Variants in ACTR3C observed in about 807,000 individuals in gnomAD.
The protein encoded by ACTR3C is actin-related protein 3C.
ACTR3C carries 18 observed loss-of-function variants against 26.3 expected under a neutral mutation model. The observed-to-expected ratio is 0.68, with a 90% CI of 0.47 to 1.01. ACTR3C has a LOEUF of 1.01. Ranked by LOEUF, ACTR3C falls within the 50% of genes least tolerant of loss-of-function variation. The pLI, the probability that ACTR3C is intolerant of heterozygous loss-of-function variation, is 0.00. For missense variants in ACTR3C, 184 were observed against 250.7 expected (o/e 0.73, Z 1.80); for synonymous variants, 55 against 94.5 (o/e 0.58, Z 2.42).
chr7:150,318,515 G>C (rs368231730), intron 1 of ACTR3C, among the ~76,000 whole-genome samples: 1 of 152,156 alleles, frequency 6.6e-6, no homozygotes, highest in East Asian at 1.9e-4. Context: ...TGTAATCCCA[G>C]CACTTTGGGA....
chr7:149,908,536 G>A, the ACTR3C span, among the ~76,000 whole-genome samples: 5 of 152,250 alleles, frequency 3.3e-5, no homozygotes, highest in East Asian at 1.9e-4. Flanking sequence ...GCCCTCCCCT[G>A]AATAAGCACT....
the ACTR3C span, among the ~76,000 whole-genome samples, chr7:150,123,024 G>A: frequency 6.7e-6 from 1 of 149,980 alleles, no homozygotes; most frequent in Non-Finnish European, 1.5e-5. Flanking sequence ...TCATAGGTGG[G>A]AGTTGAACAA....
the ACTR3C span, among the ~76,000 whole-genome samples, chr7:150,216,431 T>A: frequency 6.7e-6 from 1 of 149,804 alleles, no homozygotes; most frequent in African/African-American, 2.5e-5. Context: ...TCTGGGGTTG[T>A]GGGGGTGAGG....
At chr7:150,163,162 G>A in the ACTR3C span, among the ~76,000 whole-genome samples, 73,412 of 145,768 alleles carry the variant, frequency 0.5, 19,147 homozygotes, top group African/African-American at 0.7. Context: ...TCAAAAAAAA[G>A]AAAAAAAAGT....
chr7:150,193,995 C>T, the ACTR3C span, among the ~76,000 whole-genome samples: 35 of 133,226 alleles, frequency 2.6e-4, no homozygotes, highest in African/African-American at 9.2e-4. Context: ...CACACAGACA[C>T]ACACACACAC....
the ACTR3C span, among the ~76,000 whole-genome samples, chr7:150,160,809 T>C: frequency 6.6e-6 from 1 of 151,532 alleles, no homozygotes; most frequent in African/African-American, 2.4e-5. Context: ...GAAGGCACCC[T>C]ACAGATATTT....
chr7:150,311,341 T>A (rs1350113301), intron 1 of ACTR3C, among the ~76,000 whole-genome samples: 1 of 152,174 alleles, frequency 6.6e-6, no homozygotes, highest in Non-Finnish European at 1.5e-5. Context: ...GACCTCACAG[T>A]TCTAGGCTGG....
chr7:150,236,589 T>C, the ACTR3C span, among the ~76,000 whole-genome samples: 5 of 152,316 alleles, frequency 3.3e-5, no homozygotes, highest in African/African-American at 1.2e-4. Flanking sequence ...TTGGTTGCTT[T>C]GGCACTTTCT....
At chr7:150,120,424 A>G in the ACTR3C span, among the ~76,000 whole-genome samples, 1 of 152,152 alleles carries the variant, frequency 6.6e-6, no homozygotes, top group Non-Finnish European at 1.5e-5. Context: ...CCCACACAAA[A>G]TACACACTAC....
chr7:150,282,511 C>G (rs1265811818), intron 6 of ACTR3C, among the ~76,000 whole-genome samples: 1 of 141,798 alleles, frequency 7.1e-6, no homozygotes, highest in Non-Finnish European at 1.5e-5. Context: ...TTCAATCCTT[C>G]CACCTCTCAA....
At chr7:150,152,659 G>T in the ACTR3C span, among the ~76,000 whole-genome samples, 2 of 152,194 alleles carry the variant, frequency 1.3e-5, no homozygotes, top group African/African-American at 4.8e-5. Flanking sequence ...CTCATAAGAC[G>T]AGTTAGGGAG....
chr7:149,954,784 C>T, the ACTR3C span, among the ~76,000 whole-genome samples: 6 of 152,076 alleles, frequency 3.9e-5, no homozygotes, highest in Admixed American at 1.3e-4. Context: ...CCTGGGAGTA[C>T]GATATCTTTC....
chr7:149,950,111 T>G, the ACTR3C span, among the ~76,000 whole-genome samples: 4 of 145,988 alleles, frequency 2.7e-5, no homozygotes, highest in Non-Finnish European at 5.9e-5. Flanking sequence ...TTTTATAGTG[T>G]GTTAGGTCGT....
At chr7:150,160,132 G>A in the ACTR3C span, among the ~76,000 whole-genome samples, 1 of 151,966 alleles carries the variant, frequency 6.6e-6, no homozygotes, top group South Asian at 2.1e-4. Flanking sequence ...ATCTCTAACA[G>A]AATTTTCAGT....
chr7:150,072,681 A>T, the ACTR3C span, among the ~76,000 whole-genome samples: 1 of 152,026 alleles, frequency 6.6e-6, no homozygotes. Flanking sequence ...ACAAACCAGT[A>T]AGACTGGGAA....
the ACTR3C span, among the ~76,000 whole-genome samples, chr7:149,947,028 C>T: frequency 2.0e-5 from 3 of 151,626 alleles, 1 homozygote. Flanking sequence ...ATGCCGGGGG[C>T]GGTGGAGGGT....
the ACTR3C span, chr7:150,040,664 G>C: frequency 1.4e-5 from 2 of 145,978 alleles, no homozygotes; most frequent in Non-Finnish European, 1.5e-5. Context: ...GGTACCTGCC[G>C]TCGGAAGATT....
chr7:150,302,991 GT>G (rs1795544133), intron 1 of ACTR3C: 1 of 152,226 alleles, frequency 6.6e-6, no homozygotes. Context: ...CCTTGCTACT[GT>G]CTTCATGCCT....
At chr7:149,963,517 G>C in the ACTR3C span, among the ~76,000 whole-genome samples, 1 of 152,100 alleles carries the variant, frequency 6.6e-6, no homozygotes, top group East Asian at 1.9e-4. Flanking sequence ...CCTGAGGATG[G>C]GCAGCCTATC....
Sources: allele counts gnomAD v4.1 joint callset (sites outside exome capture counted in the v4.1 genomes callset), GRCh38; gene constraint gnomAD v4.1.1; transcripts MANE v1.5; gene names NCBI Gene and HGNC (gene_info 2026-07-23, HGNC 2026-07-21).